ST3GAL1: variants seen among roughly 807,000 people sequenced by gnomAD.
The protein encoded by ST3GAL1 is ST3 beta-galactoside alpha-2,3-sialyltransferase 1.
In ST3GAL1, 16 loss-of-function variants were observed where a neutral mutation model predicts 34.1. That is an observed-to-expected ratio of 0.47 (90% CI 0.32 to 0.71). The LOEUF is 0.71. ST3GAL1 is among the 30% of genes least tolerant of loss of function. The pLI is 0.04. For synonymous variants in ST3GAL1, 191 were observed against 184.7 expected, an observed-to-expected ratio of 1.03 and a Z score of -0.28; for missense variants, 353 against 447.4, an observed-to-expected ratio of 0.79 and a Z score of 1.90.
chr8:133,492,543 G>A (rs1489581505), intron 3 of ST3GAL1, among the ~76,000 whole-genome samples: 1 of 152,168 alleles, frequency 6.6e-6, no homozygotes, highest in East Asian at 1.9e-4. Context: ...CCAACATGGT[G>A]AAACCCTGTC....
At chr8:133,504,624 G>C (rs1817280949) in intron 2 of ST3GAL1, among the ~76,000 whole-genome samples, 1 of 152,184 alleles carries the variant, frequency 6.6e-6, no homozygotes, top group Non-Finnish European at 1.5e-5. Context: ...TGCTGGGGGA[G>C]AGTGGCCACA....
intron 2 of ST3GAL1, among the ~76,000 whole-genome samples, chr8:133,532,591 C>T (rs559868334): frequency 1.3e-5 from 2 of 152,166 alleles, no homozygotes; most frequent in East Asian, 3.9e-4. Context: ...AGATAAAAGC[C>T]ATGACATCAA....
intron 2 of ST3GAL1, among the ~76,000 whole-genome samples, chr8:133,509,514 C>T (rs1279015943): frequency 1.3e-5 from 2 of 152,172 alleles, no homozygotes; most frequent in African/African-American, 4.8e-5. Context: ...AATGACAGGG[C>T]GTGGGGCACC....
chr8:133,496,013 C>T (rs3739256), intron 3 of ST3GAL1, among the ~76,000 whole-genome samples: 48,861 of 151,922 alleles, frequency 0.32, 8,655 homozygotes, highest in Non-Finnish European at 0.4. Context: ...AATTGACAGA[C>T]GGACAGATGG....
chr8:133,540,231 CCT>C (rs967009692), intron 2 of ST3GAL1, among the ~76,000 whole-genome samples: 1 of 152,172 alleles, frequency 6.6e-6, no homozygotes, highest in African/African-American at 2.4e-5. Context: ...CCAAACAACC[CCT>C]GTTTCTGCCA....
chr8:133,477,253 G>T (rs1341784269), intron 3 of ST3GAL1, among the ~76,000 whole-genome samples: 2 of 152,156 alleles, frequency 1.3e-5, no homozygotes, highest in African/African-American at 2.4e-5. Flanking sequence ...TGGGCTTCTG[G>T]TATCTATTAG....
At chr8:133,549,403 CA>C (rs5895198) in intron 1 of ST3GAL1, among the ~76,000 whole-genome samples, 27,445 of 134,160 alleles carry the variant, frequency 0.2, 2,517 homozygotes, top group South Asian at 0.34. Flanking sequence ...ACTCTGTCTC[CA>C]AAAAAAAAAA....
chr8:133,558,907 G>A (rs1378898071), intron 1 of ST3GAL1, among the ~76,000 whole-genome samples: 9 of 152,108 alleles, frequency 5.9e-5, no homozygotes, highest in Non-Finnish European at 1.0e-4. Context: ...TGTGTGTGTG[G>A]AGTTTGCAAG....
rs566556867 is a variant in ST3GAL1 at position 133,556,034 on chromosome 8, C to A, written c.-581-10108G>T. On this transcript the variant is annotated intron_variant, in intron 1 of 9. Coordinates refer to ENST00000522652, the MANE Select transcript of ST3GAL1 (RefSeq NM_173344.3). The surrounding 1 kb of genome is among the most constrained non-coding windows in gnomAD (Gnocchi z 8.9). Reference sequence around the variant, plus strand: ...TCAGCCTCCCGCGTAGCTGGGATTACAGGCACCTGCCACCACGCCTGGCTG... The same window carrying A: ...TCAGCCTCCCGCGTAGCTGGGATTAAAGGCACCTGCCACCACGCCTGGCTG... Among the ~76,000 whole-genome samples the A allele has an allele frequency of 6.6e-6, 1 of 152,128 alleles. No individual in the cohort carries two copies. The highest frequency in any genetic ancestry group is 1.5e-5 in the Non-Finnish European group (1 of 68,026).
At chr8:133,551,544 A>C (rs1298640723) in intron 1 of ST3GAL1, among the ~76,000 whole-genome samples, 3 of 13,284 alleles carry the variant, frequency 2.3e-4, no homozygotes, top group African/African-American at 9.0e-4. Flanking sequence ...AAGAGAAGGA[A>C]AGAAAGAAAG....
At chr8:133,468,503 CAG>C (rs1281483058) in intron 5 of ST3GAL1, among the ~76,000 whole-genome samples, 2 of 152,058 alleles carry the variant, frequency 1.3e-5, no homozygotes, top group African/African-American at 4.8e-5. Context: ...TTAATGGGGA[CAG>C]AGTTTTTGCT....
At chr8:133,536,859 C>G (rs1342061641) in intron 2 of ST3GAL1, among the ~76,000 whole-genome samples, 1 of 152,158 alleles carries the variant, frequency 6.6e-6, no homozygotes, top group Non-Finnish European at 1.5e-5. Flanking sequence ...TTATTCCCAC[C>G]TATTTCCTAA....
At chr8:133,482,929 C>G (rs189779390) in intron 3 of ST3GAL1, among the ~76,000 whole-genome samples, 19 of 152,358 alleles carry the variant, frequency 1.2e-4, no homozygotes, top group Non-Finnish European at 2.4e-4. Context: ...ACAACAACAA[C>G]AAAGGCATGA....
At chr8:133,465,235 T>A (rs1476500992) in intron 6 of ST3GAL1, among the ~76,000 whole-genome samples, 1 of 152,130 alleles carries the variant, frequency 6.6e-6, no homozygotes, top group Non-Finnish European at 1.5e-5. Context: ...CCACAGCCCT[T>A]TTTTTGCAGT....
rs367634813 is a variant in ST3GAL1 at position 133,483,953 on chromosome 8, C to T, written c.-373-7353G>A. On this transcript the variant is annotated intron_variant, in intron 3 of 9. Transcript: ENST00000522652. The stretch of plus-strand genomic sequence containing the variant: ...GTCTTTTTTCCCACACACTTGGAAA[C>T]GCAGATGCATTGTCTTCTGAAGTAT... Among the ~76,000 whole-genome samples the T allele has an allele frequency of 7.2e-5, 11 of 152,334 alleles. No individual in the cohort carries two copies. In the South Asian group the frequency reaches 1.0e-3, roughly 14 times the overall value.
At chr8:133,532,631 G>T (rs1818190236) in intron 2 of ST3GAL1, among the ~76,000 whole-genome samples, 1 of 152,192 alleles carries the variant, frequency 6.6e-6, no homozygotes, top group Non-Finnish European at 1.5e-5. Context: ...AATAGTAATA[G>T]AGTGAAAGGC....
chr8:133,468,322 A>G (rs1157238005), intron 5 of ST3GAL1, among the ~76,000 whole-genome samples: 1 of 152,228 alleles, frequency 6.6e-6, no homozygotes, highest in African/African-American at 2.4e-5. Flanking sequence ...ACATGGATGG[A>G]CCTTGAAAAT....
Position 133,493,897 on chromosome 8 carries a change from G to A in ST3GAL1, c.-374+5238C>T, listed in dbSNP as rs1051070540. Among the ~76,000 whole-genome samples the A allele has an allele frequency of 3.3e-5, 5 of 150,104 alleles. No homozygotes were observed. In the South Asian group the frequency reaches 1.1e-3, roughly 32 times the overall value. ...GAGGCCACCCTAGCTATTTTCTCTT[G>A]CCTCTCTGGGGTTCTGACTCTTTTC... On this transcript the variant is annotated intron_variant, in intron 3 of 9. Transcript: ENST00000522652.
In ST3GAL1 at chr8:133,459,916, C is replaced by T. The variant is rs759888158; in HGVS notation, c.871G>A (p.Ala291Thr). 2 of 1,613,002 alleles carry T rather than the reference C, an allele frequency of 1.2e-6. No homozygotes were observed. Among genetic ancestry groups the T allele is most frequent in the Non-Finnish European group, 1.7e-6 (2 of 1,179,424 alleles). The change falls in exon 10 of 10, where the codon GCA becomes ACA. Residue 291 changes from alanine to threonine, a missense_variant. Physicochemically the swap from Ala to Thr is moderately conservative, Grantham distance 58 (BLOSUM62 0). Coordinates refer to ENST00000522652, the MANE Select transcript of ST3GAL1 (RefSeq NM_173344.3). This position sits in a 1 kb window ranked among gnomAD's most constrained non-coding sequence, Gnocchi z 4.7. ...CDEVDLYGFG[A>T]DSKGNWHHYW... ...TGGTGCCAGTTCCCTTTGCTGTCTG[C>T]CCCGAAGCCGTACAAGTCCACCTGT...
Sources: allele counts gnomAD v4.1 joint callset (sites outside exome capture counted in the v4.1 genomes callset), GRCh38; gene constraint gnomAD v4.1.1; non-coding constraint Gnocchi (gnomAD v3.1); transcripts MANE v1.5; gene names NCBI Gene and HGNC (gene_info 2026-07-23, HGNC 2026-07-21).